Variants in FBLN2 observed in about 807,000 individuals in gnomAD.
The protein encoded by FBLN2 is fibulin-2.
Under a neutral mutation model 123.7 loss-of-function variants are expected in FBLN2, and 81 were observed. The observed-to-expected ratio is 0.65, with a 90% CI of 0.55 to 0.79. The LOEUF is 0.79. Ranked by LOEUF, FBLN2 falls within the 30% of genes least tolerant of loss-of-function variation. The pLI, the probability that FBLN2 is intolerant of heterozygous loss-of-function variation, is 0.00. For synonymous variants in FBLN2, 699 were observed against 701.4 expected (o/e 1.00, Z 0.05); for missense variants, 1,603 against 1,681.3 (o/e 0.95, Z 0.81).
chr3:13,638,217 G>C lies in FBLN2; in HGVS notation c.*298G>C. 1 of 601,668 alleles carries C rather than the reference G, an allele frequency of 1.7e-6. No individual in the cohort carries two copies. Among genetic ancestry groups the C allele is most frequent in the Non-Finnish European group, 3.0e-6 (1 of 330,008 alleles). The allele number at this position is 601,668 out of a possible 1,614,324, so 37.3% of individuals were successfully genotyped here. Reference sequence around the variant, plus strand: ...GACCAGAGACACGCGACCATGTTGGGGCTCTTGGACTCCTCTGGATGACCC... The same window carrying C: ...GACCAGAGACACGCGACCATGTTGGCGCTCTTGGACTCCTCTGGATGACCC... On this transcript the variant is annotated 3_prime_UTR_variant, in exon 18 of 18. Transcript: ENST00000404922.
rs67522122 is a variant in FBLN2, at chr3:13,612,294, CCTTTCTTTCTTTCTTT to C, written c.1549-1657_1549-1642del. On this transcript the variant is annotated intron_variant, in intron 4 of 17. Coordinates refer to ENST00000404922, the MANE Select transcript of FBLN2 (RefSeq NM_001004019.2). ...TTTTCCTTTTCTTTTCTTTTATTTTCCTTTCTTTCTTTCTTTCTTTCTTTCTTTCTTTCTTTCTTTC... is the reference window on the plus strand; with the variant it reads ...TTTTCCTTTTCTTTTCTTTTATTTTCCTTTCTTTCTTTCTTTCTTTCTTTC... Among the ~76,000 whole-genome samples the C allele has an allele frequency of 7.0e-3, 818 of 117,326 alleles. 8 individuals carry two copies. The highest frequency in any genetic ancestry group is 0.034 in the East Asian group (148 of 4,372). 77.0% of individuals were successfully genotyped at this position (117,326 alleles called of 152,430 possible).
intron 2 of FBLN2, among the ~76,000 whole-genome samples, chr3:13,579,849 C>T (rs1392983753): frequency 6.6e-6 from 1 of 152,194 alleles, no homozygotes; most frequent in African/African-American, 2.4e-5. Context: ...ACCACTAGAA[C>T]CTGTCAGAAG....
chr3:13,603,257 C>CT (rs1257776016), intron 2 of FBLN2, among the ~76,000 whole-genome samples: 1 of 144,104 alleles, frequency 6.9e-6, no homozygotes, highest in Non-Finnish European at 1.5e-5. Flanking sequence ...TTTAATTATA[C>CT]TTTAAGTTCT....
chr3:13,595,476 TAA>T (rs569692084), intron 2 of FBLN2, among the ~76,000 whole-genome samples: 1 of 151,274 alleles, frequency 6.6e-6, no homozygotes. Context: ...ACAGTCCTCA[TAA>T]AAAAAAACTC....
intron 16 of FBLN2, among the ~76,000 whole-genome samples, chr3:13,633,274 C>T (rs1706321919): frequency 6.6e-6 from 1 of 152,282 alleles, no homozygotes; most frequent in Admixed American, 6.5e-5. Context: ...GTCTCTGCAT[C>T]CTCTTCTTGG....
chr3:13,575,412 C>A (rs986066598), intron 2 of FBLN2, among the ~76,000 whole-genome samples: 1 of 152,142 alleles, frequency 6.6e-6, no homozygotes, highest in African/African-American at 2.4e-5. Flanking sequence ...ACCTTCCATT[C>A]CCTGCACACC....
At chr3:13,596,888 A>ATTTATTATTTAAATTTAAAAAATAAATTT (rs1704859959) in intron 2 of FBLN2, among the ~76,000 whole-genome samples, 1 of 151,298 alleles carries the variant, frequency 6.6e-6, no homozygotes, top group African/African-American at 2.4e-5. Flanking sequence ...AAAATAAATT[A>ATTTATTATTTAAATTTAAAAAATAAATTT]GTTTTTTATT....
At chr3:13,587,144 C>CAAAAAAAAA (rs57120285) in intron 2 of FBLN2, among the ~76,000 whole-genome samples, 2 of 70,954 alleles carry the variant, frequency 2.8e-5, no homozygotes, top group African/African-American at 8.6e-5. Context: ...GACTCCGTCT[C>CAAAAAAAAA]AAAAAAAAAA....
chr3:13,587,684 G>C (rs1418678477), intron 2 of FBLN2, among the ~76,000 whole-genome samples: 2 of 152,198 alleles, frequency 1.3e-5, no homozygotes, highest in Non-Finnish European at 2.9e-5. Context: ...CAGACTTTAA[G>C]TCTGATAAGA....
At chr3:13,619,608 C>T in intron 7 of FBLN2, 122 bp from the exon 8 acceptor site, 1 of 753,936 alleles carries the variant, frequency 1.3e-6, no homozygotes, top group South Asian at 1.7e-5. Flanking sequence ...CCCAGCATCC[C>T]TGCCTTCTAG....
At chr3:13,622,053 CTA>C in intron 9 of FBLN2, 138 bp downstream of exon 9, 1 of 1,046,226 alleles carries the variant, frequency 9.6e-7, no homozygotes, top group South Asian at 1.7e-5. Flanking sequence ...TCTCCGTGCT[CTA>C]TGTCGTGCCC....
chr3:13,622,639 G>A (rs940319947), intron 9 of FBLN2, among the ~76,000 whole-genome samples: 6 of 152,246 alleles, frequency 3.9e-5, no homozygotes, highest in Non-Finnish European at 8.8e-5. Context: ...CACATCGCCC[G>A]GGTTGGTGCT....
At position 13,553,997 on chromosome 3, in the gene FBLN2, G is replaced by A. The variant is rs73146663; in HGVS notation, c.-42+4789G>A. Among the ~76,000 whole-genome samples the A allele has an allele frequency of 8.4e-3, 1,283 of 152,378 alleles. 15 individuals are homozygous for A. The highest frequency in any genetic ancestry group is 0.029 in the African/African-American group (1,226 of 41,592). The stretch of plus-strand genomic sequence containing the variant: ...AGTGTGATGAGGCCCAGCTGGGCGC[G>A]TGGGGAGCACCGTGGGAGTTGAGCA... On this transcript the variant is annotated intron_variant, in intron 1 of 17. Transcript: ENST00000404922.
intron 16 of FBLN2, 141 bp downstream of exon 16, chr3:13,631,598 G>A (rs1706261220): frequency 2.0e-6 from 2 of 1,025,210 alleles, no homozygotes; most frequent in African/African-American, 3.2e-5. Flanking sequence ...AATGCTACCA[G>A]TGGCCATGTT....
chr3:13,571,584 A>G lies in FBLN2; in HGVS notation c.1229A>G (p.Gln410Arg). Residue 410 changes from glutamine (Q) to arginine (R), a missense_variant, in exon 2 of 18, where the codon CAA (glutamine) becomes CGA (arginine). Physicochemically the swap from Gln to Arg is conservative, Grantham distance 43 (BLOSUM62 1). Transcript: ENST00000404922. ...PPTREVPRKPQVLPHSHVEED... is the reference protein window; with the variant it reads ...PPTREVPRKPRVLPHSHVEED... ...ACCCGAGAAGTGCCCAGGAAGCCGC[A>G]AGTTCTGCCCCATTCCCACGTGGAG... is the stretch of plus-strand genomic sequence containing the variant. 1 of 1,613,360 alleles carries G rather than the reference A, an allele frequency of 6.2e-7. No homozygotes were observed. The highest frequency in any genetic ancestry group is 8.5e-7 in the Non-Finnish European group (1 of 1,179,716).
chr3:13,580,151 A>G (rs1327852533), intron 2 of FBLN2, among the ~76,000 whole-genome samples: 2 of 152,136 alleles, frequency 1.3e-5, no homozygotes, highest in South Asian at 2.1e-4. Flanking sequence ...GGTTGTTTCC[A>G]GTGGAGGCCA....
chr3:13,635,404 A>G (rs964304749), intron 16 of FBLN2, among the ~76,000 whole-genome samples: 8 of 151,830 alleles, frequency 5.3e-5, no homozygotes, highest in African/African-American at 1.9e-4. Context: ...ACACACCCAC[A>G]CACACCCCTA....
chr3:13,633,616 C>T (rs146951947), intron 16 of FBLN2, among the ~76,000 whole-genome samples: 72 of 152,332 alleles, frequency 4.7e-4, no homozygotes, highest in African/African-American at 1.7e-3. Context: ...GGGCCAAACC[C>T]TGAGGTCTCT....
intron 2 of FBLN2, among the ~76,000 whole-genome samples, chr3:13,592,427 G>A (rs1704707536): frequency 6.6e-6 from 1 of 152,204 alleles, no homozygotes; most frequent in South Asian, 2.1e-4. Flanking sequence ...ATATCTGCTA[G>A]TGAGAGTTTT....
Sources: gnomAD v4.1 joint callset for allele counts (sites outside exome capture counted in the v4.1 genomes callset) on GRCh38, gnomAD v4.1.1 for gene constraint, MANE v1.5 for transcripts, NCBI Gene and HGNC (gene_info 2026-07-23, HGNC 2026-07-21) for gene names.